The following ADGRG5 variants were observed in gnomAD, a reference collection of about 807,000 sequenced individuals.
The protein encoded by ADGRG5 is adhesion G protein-coupled receptor G5.
In ADGRG5, 37 loss-of-function variants were observed where a neutral mutation model predicts 53.2. The observed-to-expected ratio is 0.70, with a 90% CI of 0.53 to 0.91. The LOEUF (loss-of-function observed/expected upper bound fraction) is 0.91. ADGRG5 is among the 40% of genes least tolerant of loss of function. ADGRG5 has a pLI of 0.00. For synonymous variants in ADGRG5, 277 were observed against 290.4 expected (o/e 0.95, Z 0.47); for missense variants, 614 against 675.8 (o/e 0.91, Z 1.01).
chr16:57,546,049 C>T (rs1359885890), intron 1 of ADGRG5, among the ~76,000 whole-genome samples: 1 of 152,200 alleles, frequency 6.6e-6, no homozygotes, highest in Non-Finnish European at 1.5e-5. Flanking sequence ...TGGTCTTGAA[C>T]TCCTGACCTC....
chr16:57,529,260 C>G, the ADGRG5 span: 1 of 1,121,036 alleles, frequency 8.9e-7, no homozygotes, highest in South Asian at 4.3e-5. The surrounding 1 kb of genome is among the most constrained non-coding windows in gnomAD (Gnocchi z 4.1). Flanking sequence ...CGCGATACAA[C>G]TGTGCATGAT....
intron 1 of ADGRG5, among the ~76,000 whole-genome samples, chr16:57,547,172 G>GT (rs1410249772): frequency 6.6e-6 from 1 of 151,852 alleles, no homozygotes; most frequent in Non-Finnish European, 1.5e-5. Context: ...TAAAATATTT[G>GT]TGTTTTTTTT....
chr16:57,575,026 T>A lies in ADGRG5; in HGVS notation c.1420T>A (p.Phe474Ile). Residue 474 changes from phenylalanine (F) to isoleucine (I), a missense_variant, in exon 11 of 12, where the codon TTC (phenylalanine) becomes ATC (isoleucine). Transcript: ENST00000349457. ...GCTGGGAACCACCTGGGCCTTGGCC[T>A]TCTTTTCTTTTGGCGTCTTCCTGCT... Reference protein sequence around the residue: ...VLLGTTWALAFFSFGVFLLPQ... With the variant: ...VLLGTTWALAIFSFGVFLLPQ... 6.2e-7 allele frequency: 1 copy of A among 1,614,046 alleles called. No homozygotes were observed. Among genetic ancestry groups the A allele is most frequent in the Non-Finnish European group, 8.5e-7 (1 of 1,180,008 alleles).
chr16:57,536,129 C>T, the ADGRG5 span, among the ~76,000 whole-genome samples: 2 of 152,148 alleles, frequency 1.3e-5, no homozygotes, highest in East Asian at 1.9e-4. Context: ...GATTGGCCAG[C>T]GCCGCCCGTC....
In ADGRG5 at chr16:57,576,083, C is replaced by T; in HGVS notation, c.*545C>T. 6.5e-6 allele frequency: 1 copy of T among 154,144 alleles called. No homozygotes were observed. Among genetic ancestry groups the T allele is most frequent in the Non-Finnish European group, 1.4e-5 (1 of 69,212 alleles). The allele number at this position is 154,144 out of a possible 1,614,324, so 9.5% of individuals were successfully genotyped here. A position where few individuals can be genotyped will look rare whatever the true frequency, so the allele number is the denominator to read the frequency against. Reference sequence around the variant, plus strand: ...GGCTGCCCTGGAAGCACCTGCTTGGCCCTGCCACCTTCCTCCAGGGGAGGG... The same window carrying T: ...GGCTGCCCTGGAAGCACCTGCTTGGTCCTGCCACCTTCCTCCAGGGGAGGG... On this transcript the variant is annotated 3_prime_UTR_variant, in exon 12 of 12. Transcript: ENST00000349457.
chr16:57,555,474 A>G (rs1393762425), intron 1 of ADGRG5, among the ~76,000 whole-genome samples: 1 of 152,186 alleles, frequency 6.6e-6, no homozygotes, highest in African/African-American at 2.4e-5. Flanking sequence ...GTATTTCTTC[A>G]TAGCAGCATG....
At chr16:57,535,055 G>T in the ADGRG5 span, among the ~76,000 whole-genome samples, 1 of 152,214 alleles carries the variant, frequency 6.6e-6, no homozygotes, top group Non-Finnish European at 1.5e-5. Context: ...AGCCTTTCAG[G>T]TAGGGCCCTG....
chr16:57,575,665 T>C lies in ADGRG5; in HGVS notation c.*127T>C, dbSNP rs2033497880. 5 of 691,414 alleles carry C rather than the reference T, an allele frequency of 7.2e-6. No homozygotes were observed. Among genetic ancestry groups the C allele is most frequent in the Non-Finnish European group, 1.2e-5 (5 of 401,842 alleles). The allele number at this position is 691,414 out of a possible 1,614,324, so 42.8% of individuals were successfully genotyped here. ...AGGCCACTGTGACCGCCAAGGGGCC[T>C]TTTCCACTTCCACGGCCTCTCCAGG... is the stretch of plus-strand genomic sequence containing the variant. On this transcript the variant is annotated 3_prime_UTR_variant, in exon 12 of 12. Transcript: ENST00000349457.
At chr16:57,566,532 G>C (rs1325928155) in intron 6 of ADGRG5, 67 bp from the exon 7 acceptor site, 1 of 1,314,780 alleles carries the variant, frequency 7.6e-7, no homozygotes, top group Non-Finnish European at 9.9e-7. Flanking sequence ...TTGGCCCCCA[G>C]GACTCCCAGA....
Position 57,548,295 on chromosome 16 carries a change from G to A in ADGRG5, c.-39+5594G>A, listed in dbSNP as rs1267095384. ...AATGCACAGAAGGTTGCAAAAAATA[G>A]TACAGAACGTTTTGTATACCCTTCA... is the stretch of plus-strand genomic sequence containing the variant. On this transcript the variant is annotated intron_variant, in intron 1 of 11. Coordinates refer to ENST00000349457, the MANE Select transcript of ADGRG5 (RefSeq NM_001304376.3). Among the ~76,000 whole-genome samples the A allele has an allele frequency of 5.3e-5, 8 of 151,210 alleles. No homozygotes were observed. In the East Asian group the frequency reaches 1.6e-3, roughly 29 times the overall value.
In ADGRG5 at chr16:57,550,933, C is replaced by T. The variant is rs565255707; in HGVS notation, c.-39+8232C>T. On this transcript the variant is annotated intron_variant, in intron 1 of 11. Transcript: ENST00000349457. ...ATCCCATCTACTTGGGAGGCTGAGG[C>T]AGGAGAATCACTTGAACCTGTGAGG... Among the ~76,000 whole-genome samples the T allele has an allele frequency of 2.5e-3, 385 of 152,256 alleles. 1 individual carries two copies. Among genetic ancestry groups the T allele is most frequent in the Non-Finnish European group, 4.1e-3 (278 of 68,028 alleles).
In ADGRG5 at chr16:57,567,829, C is replaced by G. The variant is rs776932172; in HGVS notation, c.822-27C>G. 4.4e-6 allele frequency: 7 copies of G among 1,595,756 alleles called. No individual in the cohort carries two copies. In the Admixed American group the frequency reaches 1.0e-4, roughly 23 times the overall value. Reference sequence around the variant, plus strand: ...TGCTGCCTGGGTGATGTCCCTGGGCCATGGAGGACCATTCTCTCACCTGCA... The same window carrying G: ...TGCTGCCTGGGTGATGTCCCTGGGCGATGGAGGACCATTCTCTCACCTGCA... On this transcript the variant is annotated intron_variant, in intron 8 of 11. Transcript: ENST00000349457.
chr16:57,564,817 CA>C (rs1383383066), intron 5 of ADGRG5, among the ~76,000 whole-genome samples: 1 of 152,008 alleles, frequency 6.6e-6, no homozygotes, highest in African/African-American at 2.4e-5. Flanking sequence ...GGAGGTGGAG[CA>C]GGGGGTGGTG....
At chr16:57,537,382 T>C in the ADGRG5 span, among the ~76,000 whole-genome samples, 1,224 of 152,254 alleles carry the variant, frequency 8.0e-3, 12 homozygotes, top group African/African-American at 0.028. Flanking sequence ...TGATTGGGAT[T>C]TTACCTAGAA....
In ADGRG5 at chr16:57,575,129, C is replaced by A. The variant is rs754442192; in HGVS notation, c.1486+37C>A. 14 of 1,586,084 alleles carry A rather than the reference C, an allele frequency of 8.8e-6. No individual in the cohort carries two copies. In the South Asian group the frequency reaches 1.4e-4, roughly 16 times the overall value. On this transcript the variant is annotated intron_variant, in intron 11 of 11. Coordinates refer to ENST00000349457, the MANE Select transcript of ADGRG5 (RefSeq NM_001304376.3). ...GGGCGGCCTGGAGGAAGCTACCTGGCAGGGGGTGTATGGCTGGTGGGATGT... is the reference window on the plus strand; with the variant it reads ...GGGCGGCCTGGAGGAAGCTACCTGGAAGGGGGTGTATGGCTGGTGGGATGT...
Position 57,575,588 on chromosome 16 carries a change from T to G in ADGRG5, c.*50T>G. On this transcript the variant is annotated 3_prime_UTR_variant, in exon 12 of 12. Transcript: ENST00000349457. ...TCAGCCTCTCTGGCCGCCAGTAGCC[T>G]GAGGCTACGGCTCCTGCTAGAGAGG... The G allele has an allele frequency of 1.4e-6, 2 of 1,445,286 alleles. No homozygotes were observed. The highest frequency in any genetic ancestry group is 1.9e-6 in the Non-Finnish European group (2 of 1,028,798). 89.5% of individuals were successfully genotyped at this position (1,445,286 alleles called of 1,614,324 possible).
At chr16:57,549,535 T>C (rs181127434) in intron 1 of ADGRG5, among the ~76,000 whole-genome samples, 58 of 152,348 alleles carry the variant, frequency 3.8e-4, no homozygotes, top group African/African-American at 1.4e-3. Context: ...CCTCTTAATA[T>C]GTTTTTTGAT....
chr16:57,562,246 G>A, intron 2 of ADGRG5, 89 bp downstream of exon 2: 1 of 1,461,292 alleles, frequency 6.8e-7, no homozygotes, highest in Non-Finnish European at 9.4e-7. Flanking sequence ...ATGGGAGATT[G>A]AAAAGGGCCA....
At chr16:57,566,394 A>G in intron 6 of ADGRG5, 1 of 427,434 alleles carries the variant, frequency 2.3e-6, no homozygotes, top group Non-Finnish European at 4.1e-6. Context: ...GGCTCAGAGC[A>G]ACTTGGTGTC....
Sources: gnomAD v4.1 joint callset for allele counts (sites outside exome capture counted in the v4.1 genomes callset) on GRCh38, gnomAD v4.1.1 for gene constraint, Gnocchi (gnomAD v3.1) non-coding constraint, MANE v1.5 for transcripts, NCBI Gene and HGNC (gene_info 2026-07-23, HGNC 2026-07-21) for gene names.